ATP8B4: variants seen among roughly 807,000 people sequenced by gnomAD.
ATP8B4 encodes the protein probable phospholipid-transporting ATPase IM.
ATP8B4 carries 133 observed loss-of-function variants against 145.6 expected under a neutral mutation model. The ratio of observed to expected loss-of-function variants is 0.91; its 90% confidence interval spans 0.79 to 1.05. The LOEUF (loss-of-function observed/expected upper bound fraction) is 1.05. Ranked by LOEUF, ATP8B4 falls within the 50% of genes least tolerant of loss-of-function variation. The probability of loss-of-function intolerance (pLI) is 0.00; values close to 1 mark genes in which losing one functional copy is unlikely to be tolerated. For synonymous variants in ATP8B4, 507 were observed against 492.9 expected (o/e 1.03, Z -0.38); for missense variants, 1,458 against 1,425.2 (o/e 1.02, Z -0.37).
At chr15:49,973,886 T>C (rs998315162) in intron 12 of ATP8B4, among the ~76,000 whole-genome samples, 2 of 152,192 alleles carry the variant, frequency 1.3e-5, no homozygotes, top group African/African-American at 4.8e-5. Flanking sequence ...TTCTTATCAA[T>C]GAGTTTAACA....
chr15:49,943,027 A>T (rs926527003), intron 14 of ATP8B4, among the ~76,000 whole-genome samples: 2 of 151,930 alleles, frequency 1.3e-5, no homozygotes, highest in African/African-American at 2.4e-5. Flanking sequence ...AAAAGACTTT[A>T]AAAAAATTTT....
intron 6 of ATP8B4, among the ~76,000 whole-genome samples, chr15:50,035,148 GA>G (rs1432909998): frequency 1.3e-5 from 2 of 150,826 alleles, no homozygotes; most frequent in Non-Finnish European, 3.0e-5. Context: ...AATAGATTAA[GA>G]AAACAAAAAA....
intron 1 of ATP8B4, among the ~76,000 whole-genome samples, chr15:50,111,090 T>A (rs999736843): frequency 3.9e-5 from 6 of 152,220 alleles, no homozygotes; most frequent in Non-Finnish European, 8.8e-5. Flanking sequence ...TATTTAAGCA[T>A]CCTGTGAGGA....
intron 26 of ATP8B4, among the ~76,000 whole-genome samples, chr15:49,862,582 G>A (rs1162274078): frequency 1.3e-5 from 2 of 151,820 alleles, no homozygotes; most frequent in Non-Finnish European, 2.9e-5. Flanking sequence ...TCAGCCTCCT[G>A]AGTAGCTGGG....
intron 8 of ATP8B4, among the ~76,000 whole-genome samples, chr15:49,999,928 T>A (rs921388058): frequency 2.0e-5 from 3 of 152,102 alleles, no homozygotes; most frequent in Non-Finnish European, 2.9e-5. Context: ...AAGGCAAAAA[T>A]TTTATAAACA....
At chr15:50,063,924 G>C (rs1352698321) in intron 3 of ATP8B4, among the ~76,000 whole-genome samples, 1 of 152,102 alleles carries the variant, frequency 6.6e-6, no homozygotes, top group Non-Finnish European at 1.5e-5. Context: ...TAAAGCAAGA[G>C]AATATCAATT....
chr15:50,100,035 CAAAAA>C (rs751319243), intron 2 of ATP8B4, among the ~76,000 whole-genome samples: 1 of 80,256 alleles, frequency 1.2e-5, no homozygotes, highest in Non-Finnish European at 2.5e-5. Context: ...AACTCCATCT[CAAAAA>C]AAAAAAAAAA....
chr15:49,917,177 T>A, intron 19 of ATP8B4, 138 bp from the exon 20 acceptor site: 1 of 726,310 alleles, frequency 1.4e-6, no homozygotes, highest in South Asian at 1.9e-5. Flanking sequence ...CAACAGGTGA[T>A]AAAATACAAG....
intron 13 of ATP8B4, 112 bp from the exon 14 acceptor site, chr15:49,962,132 T>C: frequency 1.3e-6 from 1 of 777,526 alleles, no homozygotes; most frequent in Non-Finnish European, 2.0e-6. Context: ...CTAAATGGCA[T>C]TATGAATTTA....
At chr15:49,893,773 T>C (rs2153424871) in intron 23 of ATP8B4, among the ~76,000 whole-genome samples, 1 of 152,330 alleles carries the variant, frequency 6.6e-6, no homozygotes, top group African/African-American at 2.4e-5. Flanking sequence ...TTAAAAGTAG[T>C]TAAGTTGGTA....
chr15:49,884,610 A>G (rs577518387), intron 23 of ATP8B4, among the ~76,000 whole-genome samples: 1 of 126,590 alleles, frequency 7.9e-6, no homozygotes, highest in East Asian at 2.5e-4. Context: ...CTCCAAAAAA[A>G]AAGAAAAAAA....
chr15:49,877,221 T>G (rs1433381929), intron 24 of ATP8B4, among the ~76,000 whole-genome samples: 1 of 152,144 alleles, frequency 6.6e-6, no homozygotes, highest in Non-Finnish European at 1.5e-5. Flanking sequence ...AAACCTAATG[T>G]GCACACAAAT....
At chr15:50,050,257 T>A (rs1003488274) in intron 3 of ATP8B4, among the ~76,000 whole-genome samples, 1 of 152,212 alleles carries the variant, frequency 6.6e-6, no homozygotes, top group African/African-American at 2.4e-5. Context: ...AGTCTATGTA[T>A]AGTAAGGACT....
At chr15:50,061,190 T>TA (rs33997597) in intron 3 of ATP8B4, among the ~76,000 whole-genome samples, 60,700 of 150,012 alleles carry the variant, frequency 0.4, 12,310 homozygotes, top group East Asian at 0.53. Context: ...GTATATTGGA[T>TA]AAAAAAAAAA....
At chr15:49,898,022 G>A (rs1320546659) in intron 22 of ATP8B4, 46 bp downstream of exon 22, 13 of 1,591,742 alleles carry the variant, frequency 8.2e-6, no homozygotes, top group Non-Finnish European at 1.1e-5. Context: ...CTGAAACTGA[G>A]GACCCCATGT....
At chr15:50,109,203 G>A (rs2056826505) in intron 1 of ATP8B4, among the ~76,000 whole-genome samples, 1 of 152,160 alleles carries the variant, frequency 6.6e-6, no homozygotes, top group Non-Finnish European at 1.5e-5. Context: ...AAGAGCAGAA[G>A]AAAGAAGAGA....
At chr15:50,027,875 TCAA>T (rs1227700900) in intron 6 of ATP8B4, among the ~76,000 whole-genome samples, 1 of 152,224 alleles carries the variant, frequency 6.6e-6, no homozygotes, top group African/African-American at 2.4e-5. Context: ...GACTTTGAAC[TCAA>T]CAACGTTATT....
chr15:50,060,606 G>A (rs2052938219), intron 3 of ATP8B4, among the ~76,000 whole-genome samples: 1 of 152,098 alleles, frequency 6.6e-6, no homozygotes, highest in Non-Finnish European at 1.5e-5. Context: ...GCTTAGCATT[G>A]TGCTTGACAA....
intron 13 of ATP8B4, among the ~76,000 whole-genome samples, chr15:49,968,018 C>T (rs2044712996): frequency 6.6e-6 from 1 of 152,136 alleles, no homozygotes; most frequent in Non-Finnish European, 1.5e-5. Context: ...CATATCCAGC[C>T]AAACTAAGCT....
Sources: gnomAD v4.1 joint callset for allele counts (sites outside exome capture counted in the v4.1 genomes callset) on GRCh38, gnomAD v4.1.1 for gene constraint, MANE v1.5 for transcripts, NCBI Gene and HGNC (gene_info 2026-07-23, HGNC 2026-07-21) for gene names.